The following SLC9D1 variants were observed in gnomAD, a reference collection of about 807,000 sequenced individuals.
SLC9D1 encodes solute carrier family 9 member D1.
At chr13:113,548,257 G>T in the SLC9D1 span, 3 of 1,606,582 alleles carry the variant, frequency 1.9e-6, no homozygotes, top group South Asian at 2.2e-5. Context: ...GTTTAACTCT[G>T]TGTGGGTCCA....
chr13:113,512,955 G>A, the SLC9D1 span, among the ~76,000 whole-genome samples: 1 of 152,084 alleles, frequency 6.6e-6, no homozygotes, highest in Non-Finnish European at 1.5e-5. Context: ...TAGACTCAGA[G>A]CCCCAGGGGC....
the SLC9D1 span, among the ~76,000 whole-genome samples, chr13:113,517,434 TA>T: frequency 1.3e-5 from 2 of 152,150 alleles, no homozygotes. Context: ...TTCACCGTGT[TA>T]GCCAGGATGG....
chr13:113,495,222 GGCT>G, the SLC9D1 span, among the ~76,000 whole-genome samples: 381 of 152,296 alleles, frequency 2.5e-3, 2 homozygotes, highest in African/African-American at 8.8e-3. Flanking sequence ...AGAGATACGA[GGCT>G]GCGTCGCCCC....
the SLC9D1 span, among the ~76,000 whole-genome samples, chr13:113,517,431 T>G: frequency 6.6e-6 from 1 of 152,096 alleles, no homozygotes; most frequent in Non-Finnish European, 1.5e-5. Flanking sequence ...GGTTTCACCG[T>G]GTTAGCCAGG....
chr13:113,500,251 A>G, the SLC9D1 span: 19 of 662,138 alleles, frequency 2.9e-5, no homozygotes, highest in South Asian at 9.4e-4. Flanking sequence ...CCTTCCTTCT[A>G]GCAGAGATTT....
At chr13:113,532,605 T>G in the SLC9D1 span, among the ~76,000 whole-genome samples, 1 of 152,076 alleles carries the variant, frequency 6.6e-6, no homozygotes, top group African/African-American at 2.4e-5. Context: ...ACCACGGTGC[T>G]GGGCCCAGGG....
chr13:113,549,682 G>A, the SLC9D1 span: 72 of 957,596 alleles, frequency 7.5e-5, no homozygotes, highest in African/African-American at 4.0e-4. Context: ...GTGTTATCCC[G>A]GCTTTTACAG....
At chr13:113,514,431 A>G in the SLC9D1 span, 1 of 152,226 alleles carries the variant, frequency 6.6e-6, no homozygotes, top group African/African-American at 2.4e-5. Flanking sequence ...AACAAAAAGG[A>G]AGACATGAGC....
At chr13:113,544,390 G>C in the SLC9D1 span, among the ~76,000 whole-genome samples, 1 of 152,212 alleles carries the variant, frequency 6.6e-6, no homozygotes, top group Non-Finnish European at 1.5e-5. Flanking sequence ...TCTCGTGGAC[G>C]GCACGTGGCA....
the SLC9D1 span, chr13:113,539,528 T>G: frequency 6.2e-7 from 1 of 1,608,604 alleles, no homozygotes; most frequent in Non-Finnish European, 8.5e-7. The surrounding 1 kb of genome is among the most constrained non-coding windows in gnomAD (Gnocchi z 4.8). Context: ...TTCTTTACAT[T>G]ATGATTGTGT....
At chr13:113,514,213 G>A in the SLC9D1 span, 26 of 149,786 alleles carry the variant, frequency 1.7e-4, no homozygotes, top group Non-Finnish European at 3.2e-4. Flanking sequence ...GGGGACAACT[G>A]TAACTTTTAT....
chr13:113,531,579 A>G, the SLC9D1 span, among the ~76,000 whole-genome samples: 1 of 139,150 alleles, frequency 7.2e-6, no homozygotes, highest in African/African-American at 2.8e-5. Context: ...GGCACCCCGT[A>G]CATGCAGATC....
the SLC9D1 span, among the ~76,000 whole-genome samples, chr13:113,511,596 C>A: frequency 5.3e-5 from 8 of 152,178 alleles, no homozygotes; most frequent in East Asian, 1.5e-3. Flanking sequence ...GGACGGGTGG[C>A]CCCGGCCATG....
At chr13:113,543,681 C>T in the SLC9D1 span, among the ~76,000 whole-genome samples, 1 of 150,142 alleles carries the variant, frequency 6.7e-6, no homozygotes, top group African/African-American at 2.5e-5. Context: ...CAGCCCCAGG[C>T]TGCCCTGGCC....
the SLC9D1 span, among the ~76,000 whole-genome samples, chr13:113,524,517 G>C: frequency 5.9e-5 from 9 of 151,886 alleles, no homozygotes; most frequent in African/African-American, 2.2e-4. Context: ...GTATTTTTTA[G>C]TAGAGACAAG....
chr13:113,503,233 TAATA>T, the SLC9D1 span, among the ~76,000 whole-genome samples: 1 of 152,186 alleles, frequency 6.6e-6, no homozygotes, highest in Non-Finnish European at 1.5e-5. Flanking sequence ...TTATAATTCT[TAATA>T]AATCAGCTAA....
chr13:113,507,027 A>G, the SLC9D1 span, among the ~76,000 whole-genome samples: 2 of 151,980 alleles, frequency 1.3e-5, no homozygotes, highest in African/African-American at 2.4e-5. Flanking sequence ...GTGGAAGGAC[A>G]CTGGATTGGG....
the SLC9D1 span, chr13:113,520,483 CAAAAAAAAAA>C: frequency 8.2e-6 from 3 of 364,940 alleles, no homozygotes; most frequent in Non-Finnish European, 1.4e-5. Context: ...AACTCCATCT[CAAAAAAAAAA>C]AAAAAAAAAG....
the SLC9D1 span, among the ~76,000 whole-genome samples, chr13:113,499,140 T>C: frequency 8.2e-3 from 1,253 of 152,298 alleles, 11 homozygotes; most frequent in Non-Finnish European, 0.014. Context: ...ATGGCATTTG[T>C]AAGTTGTCAT....
Sources: gnomAD v4.1 joint callset for allele counts (sites outside exome capture counted in the v4.1 genomes callset) on GRCh38, gnomAD v4.1.1 for gene constraint, Gnocchi (gnomAD v3.1) non-coding constraint, MANE v1.5 for transcripts, NCBI Gene and HGNC (gene_info 2026-07-23, HGNC 2026-07-21) for gene names.